The following C2orf66 variants were observed in gnomAD, a reference collection of about 807,000 sequenced individuals.
The protein encoded by C2orf66 is chromosome 2 open reading frame 66.
A neutral mutation model predicts 7.0 loss-of-function variants in C2orf66; 6 were observed. That is an observed-to-expected ratio of 0.86 (90% CI 0.47 to 1.69). The LOEUF is 1.69. C2orf66 is among the 40% of genes most tolerant of loss of function. C2orf66 has a pLI of 0.01. For synonymous variants in C2orf66, 38 were observed against 43.8 expected (o/e 0.87, Z 0.52); for missense variants, 107 against 112.0 (o/e 0.96, Z 0.20).
At chr2:196,828,228 TCTCA>T in the C2orf66 span, among the ~76,000 whole-genome samples, 2,152 of 127,076 alleles carry the variant, frequency 0.017, 16 homozygotes, top group Non-Finnish European at 0.023. Flanking sequence ...TCTCTCTCTC[TCTCA>T]CACACACACA....
intron 2 of C2orf66, among the ~76,000 whole-genome samples, chr2:196,806,840 A>G (rs1699825661): frequency 1.3e-5 from 2 of 152,136 alleles, no homozygotes; most frequent in South Asian, 4.1e-4. Flanking sequence ...TGGGCGACAC[A>G]GTGAGACTCT....
chr2:196,828,228 T>TCACACACA, the C2orf66 span, among the ~76,000 whole-genome samples: 28 of 127,420 alleles, frequency 2.2e-4, no homozygotes, highest in Non-Finnish European at 3.1e-4. Flanking sequence ...TCTCTCTCTC[T>TCACACACA]CTCACACACA....
the C2orf66 span, among the ~76,000 whole-genome samples, chr2:196,816,833 C>T: frequency 3.3e-5 from 5 of 152,156 alleles, no homozygotes; most frequent in East Asian, 7.7e-4. Flanking sequence ...ATTGGGGGAA[C>T]CCACCCCCAT....
chr2:196,809,794 T>C (rs143713616), upstream of C2orf66: 226 of 157,082 alleles, frequency 1.4e-3, no homozygotes, highest in East Asian at 0.018. Flanking sequence ...ATACACCTTA[T>C]ACACACATCT....
chr2:196,830,148 C>T, the C2orf66 span, among the ~76,000 whole-genome samples: 1 of 152,098 alleles, frequency 6.6e-6, no homozygotes, highest in African/African-American at 2.4e-5. Context: ...ATGCTCAGGA[C>T]AGCATTTCTA....
At chr2:196,811,282 C>G (rs1373458806), upstream of C2orf66, among the ~76,000 whole-genome samples, 1 of 152,170 alleles carries the variant, frequency 6.6e-6, no homozygotes, top group Non-Finnish European at 1.5e-5. Flanking sequence ...ATCAAAGAAG[C>G]TTGATCATAC....
the C2orf66 span, among the ~76,000 whole-genome samples, chr2:196,817,819 T>C: frequency 1.3e-5 from 2 of 152,216 alleles, no homozygotes; most frequent in African/African-American, 4.8e-5. Context: ...TGCACGTCCA[T>C]TTATAGGCTC....
chr2:196,815,834 C>A, the C2orf66 span, among the ~76,000 whole-genome samples: 1 of 152,150 alleles, frequency 6.6e-6, no homozygotes, highest in African/African-American at 2.4e-5. Flanking sequence ...AAACCCAGAG[C>A]TGATACAGCT....
At position 196,805,351 on chromosome 2, in the gene C2orf66, CAA is replaced by C. The variant is rs138971926; in HGVS notation, c.*75_*76del. 6.6e-6 allele frequency: 1 copy of C among 152,194 alleles called. No homozygotes were observed. The highest frequency in any genetic ancestry group is 2.4e-5 in the African/African-American group (1 of 41,538). 9.4% of individuals were successfully genotyped at this position (152,194 alleles called of 1,614,324 possible). On this transcript the variant is annotated 3_prime_UTR_variant, in exon 3 of 3. Coordinates refer to ENST00000342506, the MANE Select transcript of C2orf66 (RefSeq NM_213608.3). Reference sequence around the variant, plus strand: ...AAACTCCATGAAAGTTTAGCTATGACAATGGTTGAATTTTTCTAATGAGAAGC... The same window carrying C: ...AAACTCCATGAAAGTTTAGCTATGACTGGTTGAATTTTTCTAATGAGAAGC...
the C2orf66 span, among the ~76,000 whole-genome samples, chr2:196,820,771 G>A: frequency 6.6e-6 from 1 of 152,236 alleles, no homozygotes; most frequent in Non-Finnish European, 1.5e-5. Flanking sequence ...AAAGCTGGCA[G>A]TGCAGATTGA....
At chr2:196,812,037 G>A (rs1699881494), upstream of C2orf66, among the ~76,000 whole-genome samples, 1 of 152,162 alleles carries the variant, frequency 6.6e-6, no homozygotes, top group African/African-American at 2.4e-5. Context: ...AAATGAGTGA[G>A]TATAGCAAGC....
At chr2:196,809,437 G>T (rs531897091), upstream of C2orf66, 11 of 1,506,934 alleles carry the variant, frequency 7.3e-6, no homozygotes, top group East Asian at 1.4e-4. Context: ...CATCTGTAAA[G>T]GCAGACAAGG....
chr2:196,823,040 CG>C, the C2orf66 span, among the ~76,000 whole-genome samples: 1 of 145,160 alleles, frequency 6.9e-6, no homozygotes, highest in Non-Finnish European at 1.5e-5. Context: ...AAAAGACTAA[CG>C]GGGATTATAA....
chr2:196,807,444 C>T lies in C2orf66; in HGVS notation c.302G>A (p.Ter101=), dbSNP rs769351270. The change falls in exon 2 of 3, where the codon TGA becomes TAA. Residue 101 remains the stop codon, a stop_retained_variant. Transcript: ENST00000342506. ...TTTACCTGAGCTCAGAAGAAACTTT[C>T]AGCCTTTGAGATAATTGTGAAAGGA... The part of the protein sequence containing the change: ...KNSFHNYLKG[*] The T allele has an allele frequency of 3.6e-5, 58 of 1,605,400 alleles. No homozygotes were observed. Among genetic ancestry groups the T allele is most frequent in the Non-Finnish European group, 4.8e-5 (56 of 1,177,660 alleles).
At chr2:196,817,361 A>C in the C2orf66 span, among the ~76,000 whole-genome samples, 17,334 of 151,232 alleles carry the variant, frequency 0.11, 1,013 homozygotes, top group South Asian at 0.13. Context: ...CAGCCTCCCA[A>C]GTAGCTGGGA....
chr2:196,829,404 C>G, the C2orf66 span, among the ~76,000 whole-genome samples: 1 of 152,112 alleles, frequency 6.6e-6, no homozygotes, highest in African/African-American at 2.4e-5. Flanking sequence ...GTCTGGACAA[C>G]ATGGTGAAAC....
At chr2:196,822,744 T>C in the C2orf66 span, among the ~76,000 whole-genome samples, 1 of 152,208 alleles carries the variant, frequency 6.6e-6, no homozygotes, top group Admixed American at 6.5e-5. Context: ...ATTAGCGGCA[T>C]GCTCATTCAG....
the C2orf66 span, among the ~76,000 whole-genome samples, chr2:196,828,228 T>TCA: frequency 4.6e-3 from 583 of 127,300 alleles, 1 homozygote; most frequent in Middle Eastern, 0.012. Flanking sequence ...TCTCTCTCTC[T>TCA]CTCACACACA....
the C2orf66 span, among the ~76,000 whole-genome samples, chr2:196,824,297 G>T: frequency 6.6e-6 from 1 of 151,828 alleles, no homozygotes; most frequent in Non-Finnish European, 1.5e-5. Context: ...GAAATGAGAA[G>T]CTGAATGTGA....
Sources: allele counts gnomAD v4.1 joint callset (sites outside exome capture counted in the v4.1 genomes callset), GRCh38; gene constraint gnomAD v4.1.1; transcripts MANE v1.5; gene names NCBI Gene and HGNC (gene_info 2026-07-23, HGNC 2026-07-21).